TAB2: variants seen among roughly 807,000 people sequenced by gnomAD.
The protein encoded by TAB2 is TGF-beta-activated kinase 1 and MAP3K7-binding protein 2.
A neutral mutation model predicts 65.0 loss-of-function variants in TAB2; 3 were observed. The observed-to-expected ratio is 0.05, with a 90% confidence interval of 0.02 to 0.12. The LOEUF (loss-of-function observed/expected upper bound fraction) is 0.12, where lower values mean the gene tolerates loss of function less well. Ranked by LOEUF, TAB2 falls within the 10% of genes least tolerant of loss-of-function variation. The pLI, the probability that TAB2 is intolerant of heterozygous loss-of-function variation, is 1.00. For synonymous variants in TAB2, 298 were observed against 285.1 expected, an observed-to-expected ratio of 1.05 and a Z score of -0.46; for missense variants, 623 against 840.3, an observed-to-expected ratio of 0.74 and a Z score of 3.20.
intron 2 of TAB2, among the ~76,000 whole-genome samples, chr6:149,373,514 C>A (rs965093015): frequency 6.6e-6 from 1 of 151,608 alleles, no homozygotes; most frequent in Non-Finnish European, 1.5e-5. Context: ...GAGATTCTTG[C>A]GATCAGCGAT....
chr6:149,357,430 A>AAAAAAAACACAC, intron 1 of TAB2, among the ~76,000 whole-genome samples: 18 of 111,184 alleles, frequency 1.6e-4, no homozygotes, highest in African/African-American at 4.5e-4. Flanking sequence ...AGAAAAAAAA[A>AAAAAAAACACAC]ACACACACAC....
Position 149,383,047 on chromosome 6 carries a change from CAGG to C in TAB2, c.1603+3533_1603+3535del, listed in dbSNP as rs370805878. ...GCGTGCACCTGTAGTCCTAGCTACTCAGGAGGCTGAGGCAGGAGAATTGCTTGA... is the reference window on the plus strand; with the variant it reads ...GCGTGCACCTGTAGTCCTAGCTACTCAGGCTGAGGCAGGAGAATTGCTTGA... On this transcript the variant is annotated intron_variant, in intron 3 of 6. Transcript: ENST00000637181. 7.5e-3 allele frequency among the ~76,000 whole-genome samples: 1,143 copies of C among 151,974 alleles called. 9 individuals are homozygous for C. The highest frequency in any genetic ancestry group is 0.026 in the African/African-American group (1,097 of 41,430).
intron 3 of TAB2, among the ~76,000 whole-genome samples, chr6:149,395,402 A>C (rs1343029531): frequency 6.6e-6 from 1 of 152,088 alleles, no homozygotes; most frequent in African/African-American, 2.4e-5. Flanking sequence ...CTTTCCTGCT[A>C]TCTAGGTTTA....
chr6:149,260,330 T>G (rs549720106), intron 1 of TAB2, among the ~76,000 whole-genome samples: 1 of 152,342 alleles, frequency 6.6e-6, no homozygotes, highest in East Asian at 1.9e-4. Context: ...GCTGAAAGCC[T>G]GACCCACCGC....
At chr6:149,400,544 G>A (rs754509038) in intron 6 of TAB2, 50 of 1,614,112 alleles carry the variant, frequency 3.1e-5, no homozygotes, top group East Asian at 4.5e-5. Flanking sequence ...GTGAACCACG[G>A]GGATTGTCAG....
At chr6:149,325,707 A>G (rs1583090397) in intron 1 of TAB2, among the ~76,000 whole-genome samples, 1 of 152,270 alleles carries the variant, frequency 6.6e-6, no homozygotes, top group East Asian at 1.9e-4. Flanking sequence ...AACTTGTGCC[A>G]CTTTATCTGT....
upstream of TAB2, among the ~76,000 whole-genome samples, chr6:149,315,859 A>G (rs2114716184): frequency 6.6e-6 from 1 of 151,978 alleles, no homozygotes; most frequent in Admixed American, 6.5e-5. Context: ...ACTGGTTTTT[A>G]GACTTGACCT....
chr6:149,251,511 T>G lies in TAB2; in HGVS notation c.-121+32735T>G, dbSNP rs144117698. ...ATTTTGGACCCAATCATGTTTTCCTTCTTGTTTCCTTGAAAATTATTTCCT... is the reference window on the plus strand; with the variant it reads ...ATTTTGGACCCAATCATGTTTTCCTGCTTGTTTCCTTGAAAATTATTTCCT... On this transcript the variant is annotated intron_variant, in intron 1 of 1. Transcript: ENST00000606202. 4.3e-3 allele frequency among the ~76,000 whole-genome samples: 655 copies of G among 152,342 alleles called. 2 individuals carry two copies. The highest frequency in any genetic ancestry group is 6.3e-3 in the Non-Finnish European group (431 of 68,034).
intron 3 of TAB2, among the ~76,000 whole-genome samples, chr6:149,382,501 C>T (rs988257297): frequency 6.6e-6 from 1 of 151,902 alleles, no homozygotes; most frequent in Non-Finnish European, 1.5e-5. Flanking sequence ...GAGGCTGAGG[C>T]AGGAGAATCG....
At chr6:149,230,611 C>T (rs1289330521) in intron 1 of TAB2, among the ~76,000 whole-genome samples, 1 of 152,202 alleles carries the variant, frequency 6.6e-6, no homozygotes, top group Admixed American at 6.5e-5. Context: ...CCAGAGCAAG[C>T]TCAGTGGTCC....
chr6:149,276,202 CTT>C (rs978961718), intron 1 of TAB2, among the ~76,000 whole-genome samples: 2 of 152,086 alleles, frequency 1.3e-5, no homozygotes, highest in Non-Finnish European at 2.9e-5. Context: ...ATAGAAGGCT[CTT>C]GGGTTTATTT....
intron 1 of TAB2, among the ~76,000 whole-genome samples, chr6:149,326,582 C>G (rs930400466): frequency 2.7e-5 from 4 of 149,872 alleles, no homozygotes; most frequent in Non-Finnish European, 3.0e-5. Context: ...GGGTCTTGCT[C>G]TTTTGTCCAG....
At chr6:149,275,240 G>GA (rs1487252341) in intron 1 of TAB2, among the ~76,000 whole-genome samples, 1 of 81,828 alleles carries the variant, frequency 1.2e-5, no homozygotes, top group African/African-American at 4.3e-5. Context: ...GAGAGAGAAA[G>GA]AAAGAAAGAA....
At chr6:149,326,271 CAAAAAA>C (rs59070515) in intron 1 of TAB2, among the ~76,000 whole-genome samples, 33,996 of 125,160 alleles carry the variant, frequency 0.27, 4,081 homozygotes, top group Non-Finnish European at 0.29. Flanking sequence ...GACCCCATCT[CAAAAAA>C]AAAAAAAAAA....
At chr6:149,347,927 A>G (rs1349986280) in intron 1 of TAB2, among the ~76,000 whole-genome samples, 1 of 152,194 alleles carries the variant, frequency 6.6e-6, no homozygotes, top group Admixed American at 6.5e-5. Context: ...TGAAATGTTC[A>G]TTGAGGTCAA....
intron 1 of TAB2, among the ~76,000 whole-genome samples, chr6:149,254,285 G>C (rs1777958988): frequency 6.6e-6 from 1 of 152,204 alleles, no homozygotes; most frequent in Non-Finnish European, 1.5e-5. Flanking sequence ...GCAATCACAG[G>C]AGAGTAAGGC....
intron 1 of TAB2, among the ~76,000 whole-genome samples, chr6:149,351,490 AGTT>A (rs1780488687): frequency 6.6e-6 from 1 of 152,138 alleles, no homozygotes; most frequent in East Asian, 1.9e-4. Flanking sequence ...AAGCTCTTTG[AGTT>A]GTTTTCTCCA....
intron 1 of TAB2, among the ~76,000 whole-genome samples, chr6:149,275,028 G>A (rs894828078): frequency 6.6e-6 from 1 of 151,930 alleles, no homozygotes; most frequent in Non-Finnish European, 1.5e-5. Flanking sequence ...TGCAGGACAA[G>A]GGCTTAGAGT....
In TAB2 at chr6:149,410,378, TTAAG is replaced by T. The variant is rs1366388606; in HGVS notation, c.*661_*664del. On this transcript the variant is annotated 3_prime_UTR_variant, in exon 7 of 7. Coordinates refer to ENST00000637181, the MANE Select transcript of TAB2 (RefSeq NM_001292034.3). ...ACTGTACAGATCTCTCGAGTCTGCT[TTAAG>T]TGATTTCTTTTCTTCTTGATTATTT... 1.4e-4 allele frequency: 22 copies of T among 153,006 alleles called. No individual in the cohort carries two copies. The highest frequency in any genetic ancestry group is 4.3e-4 in the African/African-American group (18 of 41,582). The allele number at this position is 153,006 out of a possible 1,614,324, so 9.5% of individuals were successfully genotyped here.
Sources: gnomAD v4.1 joint callset for allele counts (sites outside exome capture counted in the v4.1 genomes callset) on GRCh38, gnomAD v4.1.1 for gene constraint, MANE v1.5 for transcripts, NCBI Gene and HGNC (gene_info 2026-07-23, HGNC 2026-07-21) for gene names.